The following PRKAR1A variants were observed in gnomAD, a reference collection of about 807,000 sequenced individuals.
PRKAR1A encodes the protein protein kinase cAMP-dependent type I regulatory subunit alpha, also known as cAMP-dependent protein kinase type I-alpha regulatory subunit.
PRKAR1A carries 3 observed loss-of-function variants against 52.0 expected under a neutral mutation model. The ratio of observed to expected loss-of-function variants is 0.06; its 90% CI spans 0.03 to 0.15. PRKAR1A has a LOEUF of 0.15. Ranked by LOEUF, PRKAR1A falls within the 10% of genes least tolerant of loss-of-function variation. The pLI, the probability that PRKAR1A is intolerant of heterozygous loss-of-function variation, is 1.00. For missense variants in PRKAR1A, 240 were observed against 477.4 expected (o/e 0.50, Z 4.63); for synonymous variants, 188 against 168.4 (o/e 1.12, Z -0.90).
the PRKAR1A span, among the ~76,000 whole-genome samples, chr17:68,459,723 A>G: frequency 2.6e-5 from 4 of 152,254 alleles, no homozygotes; most frequent in East Asian, 7.7e-4. Flanking sequence ...TAGAAGATAC[A>G]TTTAAAAAGG....
rs1289019864 is a variant in PRKAR1A at position 68,522,098 on chromosome 17, C to T, written c.178-658C>T. Among the ~76,000 whole-genome samples the T allele has an allele frequency of 2.6e-5, 4 of 152,188 alleles. No individual in the cohort carries two copies. In the South Asian group the frequency reaches 8.3e-4, roughly 32 times the overall value. ...TCTGCTGGGAGAAGTATTATAGATA[C>T]GATCTCGTTTAAATTCGTGGTTACC... On this transcript the variant is annotated intron_variant, in intron 2 of 10. Transcript: ENST00000589228.
rs188778098 is a variant in PRKAR1A at position 68,529,076 on chromosome 17, G to A, written c.891+85G>A. 5.3e-6 allele frequency: 8 copies of A among 1,503,204 alleles called. No homozygotes were observed. The African/African-American group carries it at 1.1e-4, about 21-fold the overall frequency. 93.1% of individuals were successfully genotyped at this position (1,503,204 alleles called of 1,614,324 possible). A position where few individuals can be genotyped will look rare whatever the true frequency, so the allele number is the denominator to read the frequency against. On this transcript the variant is annotated intron_variant, in intron 9 of 10. Transcript: ENST00000589228. ...TTTAAAAAGTTGTACGCTCTAAGAG[G>A]GAAAGAGTGGGCTAATTCTGAACTA...
chr17:68,437,279 G>C, the PRKAR1A span, among the ~76,000 whole-genome samples: 2 of 152,140 alleles, frequency 1.3e-5, no homozygotes, highest in Non-Finnish European at 2.9e-5. Flanking sequence ...TTCAGGCCAG[G>C]CAAGGTGGCC....
chr17:68,440,286 G>A, the PRKAR1A span, among the ~76,000 whole-genome samples: 1 of 152,160 alleles, frequency 6.6e-6, no homozygotes, highest in Non-Finnish European at 1.5e-5. Flanking sequence ...AAAATCCAAC[G>A]AGCCACACGA....
chr17:68,542,028 G>C (rs1258831674), intron 11 of PRKAR1A: 2 of 1,614,068 alleles, frequency 1.2e-6, no homozygotes, highest in Non-Finnish European at 1.7e-6. Flanking sequence ...CAGGGGTTGG[G>C]CACAGACAGC....
intron 11 of PRKAR1A, chr17:68,541,218 G>A (rs1408949539): frequency 1.7e-5 from 8 of 473,852 alleles, no homozygotes; most frequent in African/African-American, 7.9e-5. Context: ...GGGAGAGGCC[G>A]GGGCAGGCAG....
At chr17:68,420,940 CT>C in the PRKAR1A span, 1 of 160,868 alleles carries the variant, frequency 6.2e-6, no homozygotes, top group Non-Finnish European at 1.4e-5. Context: ...TCTCTTTTCT[CT>C]TTTTTTCCTT....
the PRKAR1A span, chr17:68,433,629 C>T: frequency 1.4e-6 from 2 of 1,422,252 alleles, no homozygotes; most frequent in Admixed American, 3.6e-5. Flanking sequence ...GAGTTATGGC[C>T]TTATAACTCA....
chr17:68,421,510 AT>A, the PRKAR1A span: 2 of 491,196 alleles, frequency 4.1e-6, no homozygotes, highest in Non-Finnish European at 7.4e-6. Context: ...ATATACCAAT[AT>A]GGTTAATTAG....
At chr17:68,483,173 C>T in the PRKAR1A span, among the ~76,000 whole-genome samples, 3 of 151,234 alleles carry the variant, frequency 2.0e-5, no homozygotes, top group African/African-American at 7.3e-5. Context: ...TTGGTTCATA[C>T]AAATCATCAA....
chr17:68,437,306 G>C, the PRKAR1A span, among the ~76,000 whole-genome samples: 1 of 152,124 alleles, frequency 6.6e-6, no homozygotes, highest in African/African-American at 2.4e-5. Flanking sequence ...TGTGATCCCA[G>C]CACTTTGGCA....
the PRKAR1A span, among the ~76,000 whole-genome samples, chr17:68,471,572 A>C: frequency 1.3e-5 from 2 of 151,464 alleles, no homozygotes; most frequent in Non-Finnish European, 1.5e-5. Context: ...TTCTTTTCCC[A>C]CCTCCTCCTT....
chr17:68,515,281 A>G, intron 1 of PRKAR1A, 113 bp from the exon 2 acceptor site: 5 of 1,223,070 alleles, frequency 4.1e-6, no homozygotes, highest in Non-Finnish European at 5.8e-6. Flanking sequence ...AACAAAATCT[A>G]CTTAGAAAAA....
intron 11 of PRKAR1A, chr17:68,543,543 G>T: frequency 8.5e-7 from 1 of 1,174,650 alleles, no homozygotes; most frequent in Non-Finnish European, 1.3e-6. Context: ...ATGCCAGGGA[G>T]TTCCCACCTT....
At chr17:68,481,788 T>A in the PRKAR1A span, among the ~76,000 whole-genome samples, 1 of 152,192 alleles carries the variant, frequency 6.6e-6, no homozygotes, top group African/African-American at 2.4e-5. Context: ...AGTGGGGATA[T>A]ACACAGTTGA....
At chr17:68,433,537 G>A in the PRKAR1A span, 1 of 1,613,968 alleles carries the variant, frequency 6.2e-7, no homozygotes, top group Non-Finnish European at 8.5e-7. Flanking sequence ...GAGGAATTGT[G>A]AATCCATACT....
chr17:68,486,565 CT>C, the PRKAR1A span, among the ~76,000 whole-genome samples: 1 of 129,658 alleles, frequency 7.7e-6, no homozygotes, highest in Non-Finnish European at 1.6e-5. Flanking sequence ...TTCTTTCTTT[CT>C]TTCTTCTTTC....
the PRKAR1A span, among the ~76,000 whole-genome samples, chr17:68,416,399 T>TTA: frequency 6.6e-6 from 1 of 152,198 alleles, no homozygotes; most frequent in Non-Finnish European, 1.5e-5. Context: ...AGGTTTTCCT[T>TTA]TATAGGATAC....
chr17:68,469,763 ATATC>A, the PRKAR1A span, among the ~76,000 whole-genome samples: 2 of 152,200 alleles, frequency 1.3e-5, no homozygotes, highest in Non-Finnish European at 2.9e-5. Flanking sequence ...TGTATGGATT[ATATC>A]TATCATTACT....
Sources: gnomAD v4.1 joint callset for allele counts (sites outside exome capture counted in the v4.1 genomes callset) on GRCh38, gnomAD v4.1.1 for gene constraint, MANE v1.5 for transcripts, NCBI Gene and HGNC (gene_info 2026-07-23, HGNC 2026-07-21) for gene names.